The following CHD7 variants were observed in gnomAD, a reference collection of about 807,000 sequenced individuals.
The protein encoded by CHD7 is ATP-dependent chromatin remodeler CHD7.
Under a neutral mutation model 307.3 loss-of-function variants are expected in CHD7, and 24 were observed. The ratio of observed to expected loss-of-function variants is 0.08; its 90% CI spans 0.06 to 0.11. CHD7 has a LOEUF of 0.11. CHD7 is among the 10% of genes least tolerant of loss of function. CHD7 has a pLI of 1.00. For missense variants in CHD7, 3,106 were observed against 3,727.1 expected (o/e 0.83, Z 4.34); for synonymous variants, 1,363 against 1,349.9 (o/e 1.01, Z -0.21).
At chr8:60,686,071 A>G (rs1805873694) in intron 1 of CHD7, among the ~76,000 whole-genome samples, 1 of 152,154 alleles carries the variant, frequency 6.6e-6, no homozygotes, top group Admixed American at 6.6e-5. Context: ...TGTGTTCCTC[A>G]TGGGCCTTTC....
chr8:60,741,285 C>A lies in CHD7; in HGVS notation c.-148C>A. On this transcript the variant is annotated 5_prime_UTR_variant, in exon 2 of 38. In the 5' UTR this introduces an upstream ATG that the reference lacks. Coordinates refer to ENST00000423902, the MANE Select transcript of CHD7 (RefSeq NM_017780.4). ...ACCTATATCCAGACTTTGCCTGACA[C>A]TGCAGGGTCCAAGAGAATTAAAGAA... The A allele has an allele frequency of 1.5e-6, 1 of 671,138 alleles. No homozygotes were observed. 41.6% of individuals were successfully genotyped at this position (671,138 alleles called of 1,614,324 possible).
At chr8:60,790,202 A>T (rs1811701458) in intron 3 of CHD7, among the ~76,000 whole-genome samples, 1 of 152,176 alleles carries the variant, frequency 6.6e-6, no homozygotes. Context: ...TCATGAGTGG[A>T]TGGCTCTGTC....
chr8:60,761,077 G>A (rs922139899), intron 2 of CHD7, among the ~76,000 whole-genome samples: 6 of 152,006 alleles, frequency 3.9e-5, no homozygotes, highest in Non-Finnish European at 8.8e-5. Context: ...CAATAGCAAA[G>A]ACTTGGAACC....
Position 60,816,446 on chromosome 8 carries a change from A to C in CHD7, c.2558A>C (p.Gln853Pro). 4 of 1,611,036 alleles carry C rather than the reference A, an allele frequency of 2.5e-6. No individual in the cohort carries two copies. The highest frequency in any genetic ancestry group is 3.4e-6 in the Non-Finnish European group (4 of 1,178,432). ...IEDLEKDKRI[Q>P]QKIKRFKAKQ... Reference sequence around the variant, plus strand: ...GATCTGGAAAAAGATAAGAGAATTCAGCAAAAAATTAAACGATTTAAGGCA... The same window carrying C: ...GATCTGGAAAAAGATAAGAGAATTCCGCAAAAAATTAAACGATTTAAGGCA... The change falls in exon 8 of 38, where the codon CAG (glutamine) becomes CCG (proline). Residue 853 changes from glutamine (Q) to proline (P), a missense_variant. Transcript: ENST00000423902.
At position 60,837,014 on chromosome 8, in the gene CHD7, TA is replaced by T. The variant is rs1238117862; in HGVS notation, c.4185+5del. ...TGGAATCCCCAAAATGACCTCCAGG[TA>T]AATGCACAAGAAAGTCCTGATGCCT... On this transcript the variant is annotated splice_donor_region_variant and intron_variant, in intron 17 of 37. Coordinates refer to ENST00000423902, the MANE Select transcript of CHD7 (RefSeq NM_017780.4). The T allele has an allele frequency of 1.2e-6, 2 of 1,604,910 alleles. No individual in the cohort carries two copies. Among genetic ancestry groups the T allele is most frequent in the East Asian group, 2.2e-5 (1 of 44,644 alleles).
chr8:60,745,696 TA>T (rs1289476956), intron 2 of CHD7, among the ~76,000 whole-genome samples: 2 of 152,220 alleles, frequency 1.3e-5, no homozygotes, highest in Non-Finnish European at 2.9e-5. Context: ...GTTTTGAACA[TA>T]AGGCTAGGGA....
At chr8:60,679,292 G>T (rs2150463072) in intron 1 of CHD7, among the ~76,000 whole-genome samples, 1 of 146,994 alleles carries the variant, frequency 6.8e-6, no homozygotes, top group African/African-American at 2.4e-5. Flanking sequence ...CGGCGTCGCC[G>T]CCCGCGGGGC....
intron 1 of CHD7, among the ~76,000 whole-genome samples, chr8:60,698,765 G>A (rs1394697329): frequency 6.6e-6 from 1 of 152,162 alleles, no homozygotes; most frequent in East Asian, 1.9e-4. Flanking sequence ...GGTATGACTT[G>A]ACTTTTCTTC....
At chr8:60,850,739 A>G in intron 26 of CHD7, 117 bp downstream of exon 26, 4 of 1,052,252 alleles carry the variant, frequency 3.8e-6, no homozygotes, top group Non-Finnish European at 5.7e-6. Context: ...AGTTCAGGAG[A>G]TGTTTACCAG....
At chr8:60,743,269 C>T (rs966936630) in intron 2 of CHD7, among the ~76,000 whole-genome samples, 172 bp downstream of exon 2, 1 of 152,200 alleles carries the variant, frequency 6.6e-6, no homozygotes, top group African/African-American at 2.4e-5. Flanking sequence ...ATCTCCCTGT[C>T]CCAGGGATTG....
rs1470865317 is a variant in CHD7, at chr8:60,828,690, C to A, written c.3406C>A (p.Pro1136Thr). 1 of 1,611,456 alleles carries A rather than the reference C, an allele frequency of 6.2e-7. No homozygotes were observed. The highest frequency in any genetic ancestry group is 8.5e-7 in the Non-Finnish European group (1 of 1,178,702). The change falls in exon 14 of 38, where the codon CCA (proline) becomes ACA (threonine). Residue 1136 changes from proline (P) to threonine (T), a missense_variant. Around this residue, in one of 10 missense-constraint regions of CHD7, gnomAD observed 232 missense variants for 422.5 expected, o/e 0.55. Transcript: ENST00000423902. ...ACACAAAGTGCTGCTGACGGGAACC[C>A]CACTCCAGAACACTGTGGAAGAACT... ...LEHKVLLTGTPLQNTVEELFS... is the reference protein window; with the variant it reads ...LEHKVLLTGTTLQNTVEELFS...
intron 1 of CHD7, among the ~76,000 whole-genome samples, chr8:60,734,321 G>A (rs1218538756): frequency 6.6e-6 from 1 of 152,206 alleles, no homozygotes; most frequent in Non-Finnish European, 1.5e-5. Context: ...CTGAGAGTCT[G>A]CGTCTCTTAC....
In CHD7 at chr8:60,845,055, A is replaced by C; in HGVS notation, c.5042A>C (p.Asn1681Thr). Residue 1681 changes from asparagine (N) to threonine (T), a missense_variant, in exon 22 of 38, where the codon AAC becomes ACC. By Grantham distance (65) the Asn-to-Thr change is moderately conservative. Coordinates refer to ENST00000423902, the MANE Select transcript of CHD7 (RefSeq NM_017780.4). The stretch of plus-strand genomic sequence containing the variant: ...GATGGCCAGACTCGAGCCTTGGTCA[A>C]CCATTCCGGTAGGTCTCCACCATGC... ...TADGQTRALV[N>T]HSGLSAPVPR... The C allele has an allele frequency of 1.2e-6, 2 of 1,613,928 alleles. No individual in the cohort carries two copies. Among genetic ancestry groups the C allele is most frequent in the Non-Finnish European group, 1.7e-6 (2 of 1,179,828 alleles).
intron 2 of CHD7, among the ~76,000 whole-genome samples, chr8:60,754,443 T>C (rs561039412): frequency 7.9e-5 from 12 of 152,360 alleles, no homozygotes; most frequent in Non-Finnish European, 1.8e-4. Flanking sequence ...ACTACTGTTG[T>C]AGTGATTATC....
Position 60,830,236 on chromosome 8 carries a change from G to A in CHD7, c.3523-86G>A. 8 of 1,336,922 alleles carry A rather than the reference G, an allele frequency of 6.0e-6. No homozygotes were observed. The South Asian group carries it at 1.2e-4, about 19-fold the overall frequency. 82.8% of individuals were successfully genotyped at this position (1,336,922 alleles called of 1,614,324 possible). A position where few individuals can be genotyped will look rare whatever the true frequency, so the allele number is the denominator to read the frequency against. On this transcript the variant is annotated intron_variant, in intron 14 of 37. Coordinates refer to ENST00000423902, the MANE Select transcript of CHD7 (RefSeq NM_017780.4). ...AAATGAAAATGGATGTTTAATGAAT[G>A]AGATAATCCTGATGTTTCATGTTAA...
At chr8:60,759,970 C>T (rs1291305500) in intron 2 of CHD7, among the ~76,000 whole-genome samples, 3 of 152,068 alleles carry the variant, frequency 2.0e-5, no homozygotes, top group Non-Finnish European at 4.4e-5. Flanking sequence ...TTCTTGCTGC[C>T]AGGAAGCTCA....
chr8:60,822,577 A>G lies in CHD7; in HGVS notation c.3032A>G (p.Tyr1011Cys). The G allele has an allele frequency of 6.2e-7, 1 of 1,613,844 alleles. No individual in the cohort carries two copies. The change falls in exon 12 of 38, where the codon TAT (tyrosine) becomes TGT (cysteine). Residue 1011 changes from tyrosine (Y) to cysteine (C), a missense_variant. Tyr to Cys is a radical substitution (Grantham distance 194). Transcript: ENST00000423902. The stretch of plus-strand genomic sequence containing the variant: ...TCCATTACATTTCTCTATGAGATAT[A>G]TTTGAAAGGAATCCATGGCCCTTTT... ...IQSITFLYEI[Y>C]LKGIHGPFLV... is the part of the protein sequence containing the mutation.
Position 60,822,703 on chromosome 8 carries a change from G to A in CHD7, c.3158G>A (p.Arg1053His). ...VVVYHGSQAS[R>H]RTIQLYEMYF... ...GTGTATCATGGGAGTCAAGCTAGTC[G>A]TCGGACCATTCAGTTGTATGAAATG... The change falls in exon 12 of 38, where the codon CGT becomes CAT. Residue 1053 changes from arginine to histidine, a missense_variant. By Grantham distance (29) the Arg-to-His change is conservative. Coordinates refer to ENST00000423902, the MANE Select transcript of CHD7 (RefSeq NM_017780.4). The A allele has an allele frequency of 6.2e-7, 1 of 1,613,514 alleles. No individual in the cohort carries two copies. The highest frequency in any genetic ancestry group is 8.5e-7 in the Non-Finnish European group (1 of 1,179,556).
intron 7 of CHD7, among the ~76,000 whole-genome samples, chr8:60,815,571 A>C (rs1014558204): frequency 6.6e-6 from 1 of 152,188 alleles, no homozygotes; most frequent in Non-Finnish European, 1.5e-5. Context: ...AGGGAAGTGC[A>C]TATGTATTCC....
Sources: allele counts gnomAD v4.1 joint callset (sites outside exome capture counted in the v4.1 genomes callset), GRCh38; gene constraint gnomAD v4.1.1; regional missense constraint gnomAD v4.1.1; transcripts MANE v1.5; gene names NCBI Gene and HGNC (gene_info 2026-07-23, HGNC 2026-07-21).